Variants in TCP11 observed in about 807,000 individuals in gnomAD.
The protein encoded by TCP11 is T-complex protein 11 homolog.
Under a neutral mutation model 45.0 loss-of-function variants are expected in TCP11, and 34 were observed. The observed-to-expected ratio is 0.76, with a 90% CI of 0.57 to 1.01. TCP11 has a LOEUF of 1.01. Ranked by LOEUF, TCP11 falls within the 50% of genes least tolerant of loss-of-function variation. The pLI is 0.00. For synonymous variants in TCP11, 227 were observed against 227.0 expected, an observed-to-expected ratio of 1.00 and a Z score of 0.00; for missense variants, 523 against 598.1, an observed-to-expected ratio of 0.87 and a Z score of 1.31.
chr6:35,133,542 G>C (rs1340096193), intron 3 of TCP11, among the ~76,000 whole-genome samples: 1 of 151,746 alleles, frequency 6.6e-6, no homozygotes. Context: ...CTGTAATCCT[G>C]GCACTTTGGG....
chr6:35,129,164 C>T lies in TCP11; in HGVS notation c.255G>A (p.Lys85=). 6.2e-7 allele frequency: 1 copy of T among 1,613,816 alleles called. No individual in the cohort carries two copies. The highest frequency in any genetic ancestry group is 8.5e-7 in the Non-Finnish European group (1 of 1,179,942). The change falls in exon 4 of 10, where the codon AAG becomes AAA. Residue 85 remains lysine, a synonymous_variant. Coordinates refer to ENST00000311875, the MANE Select transcript of TCP11 (RefSeq NM_001370687.1). ...CCCAAAAGGCATTGTGCACTGTCTC[C>T]TTGACCTTGCCTTCCAGACTATAAG... is the stretch of plus-strand genomic sequence containing the variant. ...LPPSSLEGKV[K]ETVHNAFWDH...
In TCP11 at chr6:35,120,684, T is replaced by A. The variant is rs762886198; in HGVS notation, c.716-38A>T. On this transcript the variant is annotated intron_variant, in intron 6 of 9. Transcript: ENST00000311875. This position sits in a 1 kb window ranked among gnomAD's most constrained non-coding sequence, Gnocchi z 4.9. ...AGGGAGTGTGTAAGCATCTTTAGCA[T>A]CTTCATCTCTGAGGCTTCAAGACCA... 6.3e-7 allele frequency: 1 copy of A among 1,578,760 alleles called. No individual in the cohort carries two copies. Among genetic ancestry groups the A allele is most frequent in the Admixed American group, 1.8e-5 (1 of 56,740 alleles).
chr6:35,141,235 G>T lies in TCP11; in HGVS notation c.-45C>A. On this transcript the variant is annotated 5_prime_UTR_variant, in exon 1 of 10. Transcript: ENST00000311875. Reference sequence around the variant, plus strand: ...CCTCCCCCGCCGCGGGTCATCCACTGGCGTCCGCTCGGTGGGCCTCGCGGC... The same window carrying T: ...CCTCCCCCGCCGCGGGTCATCCACTTGCGTCCGCTCGGTGGGCCTCGCGGC... 7.2e-7 allele frequency: 1 copy of T among 1,391,756 alleles called. No individual in the cohort carries two copies. Among genetic ancestry groups the T allele is most frequent in the South Asian group, 1.5e-5 (1 of 64,576 alleles). The allele number at this position is 1,391,756 out of a possible 1,614,324, so 86.2% of individuals were successfully genotyped here.
intron 3 of TCP11, among the ~76,000 whole-genome samples, chr6:35,130,776 G>GGTACAA (rs1780337806): frequency 1.3e-5 from 2 of 152,154 alleles, no homozygotes; most frequent in Admixed American, 1.3e-4. Context: ...AGATGTAAAT[G>GGTACAA]GTACAACCAG....
At position 35,118,373 on chromosome 6, in the gene TCP11, A is replaced by G. The variant is rs757725125; in HGVS notation, c.1408T>C (p.Leu470=). The change falls in exon 10 of 10, where the codon TTG becomes CTG. Residue 470 remains leucine, a synonymous_variant. Coordinates refer to ENST00000311875, the MANE Select transcript of TCP11 (RefSeq NM_001370687.1). ...LAELGQKFVN[L]THHNQQVFGP... ...AACACCTGCTGATTGTGATGTGTCA[A>G]GTTGACAAACTTTTGGCCCAGTTCT... 1.9e-6 allele frequency: 3 copies of G among 1,614,210 alleles called. No homozygotes were observed. The South Asian group carries it at 3.3e-5, about 18-fold the overall frequency.
At chr6:35,123,746 C>T (rs1779542239) in intron 4 of TCP11, among the ~76,000 whole-genome samples, 1 of 151,228 alleles carries the variant, frequency 6.6e-6, no homozygotes, top group Non-Finnish European at 1.5e-5. Context: ...CTTGGCCTCC[C>T]AAAGTGCTGG....
At chr6:35,138,736 A>G (rs1316570777) in intron 2 of TCP11, among the ~76,000 whole-genome samples, 1 of 152,242 alleles carries the variant, frequency 6.6e-6, no homozygotes. Flanking sequence ...CTAAAAGAGT[A>G]TAATTGGATT....
chr6:35,131,164 A>T (rs2395611), intron 3 of TCP11, among the ~76,000 whole-genome samples: 1 of 152,086 alleles, frequency 6.6e-6, no homozygotes, highest in Non-Finnish European at 1.5e-5. Context: ...TCCCAGCTAC[A>T]CAGGAGGCTG....
chr6:35,121,155 T>C, intron 5 of TCP11, 110 bp from the exon 6 acceptor site: 1 of 1,280,534 alleles, frequency 7.8e-7, no homozygotes. Flanking sequence ...TAACTTAGTC[T>C]TACCTCCTAC....
chr6:35,126,650 C>CT (rs56010838), intron 4 of TCP11, among the ~76,000 whole-genome samples: 2,268 of 66,874 alleles, frequency 0.034, 212 homozygotes, highest in East Asian at 0.14. Flanking sequence ...GAATCAAAGA[C>CT]TTTTTTTTTT....
chr6:35,126,299 A>G (rs1236676640), intron 4 of TCP11, among the ~76,000 whole-genome samples: 1 of 152,212 alleles, frequency 6.6e-6, no homozygotes, highest in Non-Finnish European at 1.5e-5. Flanking sequence ...ATTCATCCTT[A>G]CTGGGATAGA....
chr6:35,132,798 G>A (rs1218655816), intron 3 of TCP11, among the ~76,000 whole-genome samples: 1 of 151,628 alleles, frequency 6.6e-6, no homozygotes, highest in Non-Finnish European at 1.5e-5. Flanking sequence ...CCCTCCATAC[G>A]CCTGCAACTC....
chr6:35,140,808 A>T lies in TCP11; in HGVS notation c.63T>A (p.Cys21Ter). ...GGGGGGGTCCTGAGGTTTCGGGCTT[A>T]CAGGACCTGCCCTCTGAGTCGCCAG... The part of the protein sequence containing the change: ...KYPGDSEGRS[C>*]KPETSGPPQE... The change falls in exon 2 of 10, where the codon TGT becomes TGA. Residue 21 changes from cysteine to a stop codon, truncating the protein, a stop_gained. Transcript: ENST00000311875. LOFTEE classifies it high-confidence loss of function. 6.5e-7 allele frequency: 1 copy of T among 1,542,378 alleles called. No individual in the cohort carries two copies. Among genetic ancestry groups the T allele is most frequent in the Non-Finnish European group, 8.7e-7 (1 of 1,150,410 alleles).
chr6:35,118,611 C>T, intron 9 of TCP11, 110 bp from the exon 10 acceptor site: 1 of 936,692 alleles, frequency 1.1e-6, no homozygotes, highest in African/African-American at 1.7e-5. Context: ...ATGTACCAAC[C>T]TGCCCCCCTA....
rs1184883232 is a variant in TCP11, at chr6:35,141,172, GCCCAGGCCCGCCTCCGGCT to G, written c.-15+14_-15+32del. The G allele has an allele frequency of 3.0e-6, 4 of 1,352,816 alleles. No homozygotes were observed. The highest frequency in any genetic ancestry group is 1.6e-5 in the African/African-American group (1 of 60,966). 83.8% of individuals were successfully genotyped at this position (1,352,816 alleles called of 1,614,324 possible). A position where few individuals can be genotyped will look rare whatever the true frequency, so the allele number is the denominator to read the frequency against. On this transcript the variant is annotated intron_variant, in intron 1 of 9. Transcript: ENST00000311875. ...GGTGCCCCCCTCGCCCGAAACGCCGGCCCAGGCCCGCCTCCGGCTCCCAGGCCGTCACCTCCTCCTCCCC... is the reference window on the plus strand; with the variant it reads ...GGTGCCCCCCTCGCCCGAAACGCCGGCCCAGGCCGTCACCTCCTCCTCCCC...
chr6:35,123,037 C>T (rs145706544), intron 4 of TCP11, among the ~76,000 whole-genome samples: 62 of 152,252 alleles, frequency 4.1e-4, no homozygotes, highest in African/African-American at 1.4e-3. Context: ...TCTGCAAAAA[C>T]GGAGCTGGGC....
chr6:35,131,267 C>T (rs1267451972), intron 3 of TCP11, among the ~76,000 whole-genome samples: 1 of 151,728 alleles, frequency 6.6e-6, no homozygotes. Flanking sequence ...AGCGAGACTC[C>T]ATCTCAAAAC....
chr6:35,122,267 TC>T lies in TCP11; in HGVS notation c.427del (p.Asp143ThrfsTer12). 1 of 1,614,160 alleles carries T rather than the reference TC, an allele frequency of 6.2e-7. No homozygotes were observed. Among genetic ancestry groups the T allele is most frequent in the Non-Finnish European group, 8.5e-7 (1 of 1,180,042 alleles). ...ATGTTCTGCCTCCTGCTTGAGCAAGTCCATGTCCAGAGCTTCTTCAATCTCA... is the reference window on the plus strand; with the variant it reads ...ATGTTCTGCCTCCTGCTTGAGCAAGTCATGTCCAGAGCTTCTTCAATCTCA... ...RIEIEEALDM[D>X]LLKQEAEHGA... On this transcript the variant is annotated frameshift_variant, in exon 5 of 10. Transcript: ENST00000311875. LOFTEE classifies it high-confidence loss of function.
chr6:35,141,006 G>A (rs532853862), intron 1 of TCP11, 122 bp from the exon 2 acceptor site: 10 of 1,306,850 alleles, frequency 7.7e-6, no homozygotes, highest in Non-Finnish European at 1.0e-5. Flanking sequence ...GTGCTGAGGG[G>A]CAGAAAGGGG....
Sources: allele counts gnomAD v4.1 joint callset (sites outside exome capture counted in the v4.1 genomes callset), GRCh38; gene constraint gnomAD v4.1.1; non-coding constraint Gnocchi (gnomAD v3.1); transcripts MANE v1.5; gene names NCBI Gene and HGNC (gene_info 2026-07-23, HGNC 2026-07-21).